Variants in GRIA3 observed in about 807,000 individuals in gnomAD.
GRIA3 encodes the protein glutamate ionotropic receptor AMPA type subunit 3.
In GRIA3, 3 loss-of-function variants were observed where a neutral mutation model predicts 63.0. The ratio of observed to expected loss-of-function variants is 0.05; its 90% CI spans 0.02 to 0.12. The LOEUF (loss-of-function observed/expected upper bound fraction) is 0.12, where lower values mean the gene tolerates loss of function less well. Among genes scored for constraint, GRIA3 ranks in the 10% least tolerant of loss-of-function variants. The pLI is 1.00. For synonymous variants in GRIA3, 274 were observed against 257.9 expected, an observed-to-expected ratio of 1.06 and a Z score of -0.60; for missense variants, 347 against 700.9, an observed-to-expected ratio of 0.50 and a Z score of 5.70.
chrX:123,417,317 C>A, intron 10 of GRIA3, 85 bp from the exon 11 acceptor site: 1 of 797,531 alleles, frequency 1.3e-6, no homozygotes, highest in South Asian at 2.2e-5. Context: ...ATATTTTCAC[C>A]AAAGAAGTAT....
At chrX:123,224,831 T>C (rs1264696244) in intron 2 of GRIA3, among the ~76,000 whole-genome samples, 1 of 111,876 alleles carries the variant, frequency 8.9e-6, no homozygotes, top group African/African-American at 3.2e-5. Context: ...CCGGGCTAGC[T>C]CATGGCTCAA....
chrX:123,184,513 G>C lies in GRIA3; in HGVS notation c.-23G>C. The stretch of plus-strand genomic sequence containing the variant: ...ACTCCTGAGTTGCGCCCATGCTCTT[G>C]TCAGCTTCGTTTTAGGCGTAGCATG... On this transcript the variant is annotated 5_prime_UTR_variant, in exon 1 of 16. Transcript: ENST00000620443. The C allele has an allele frequency of 8.8e-7, 1 of 1,133,123 alleles. No homozygotes were observed. The highest frequency in any genetic ancestry group is 1.2e-6 in the Non-Finnish European group (1 of 824,041). 93.4% of individuals were successfully genotyped at this position (1,133,123 alleles called of 1,213,427 possible). A position where few individuals can be genotyped will look rare whatever the true frequency, so the allele number is the denominator to read the frequency against.
intron 12 of GRIA3, among the ~76,000 whole-genome samples, chrX:123,450,263 G>T (rs899677857): frequency 6.2e-5 from 7 of 112,200 alleles, no homozygotes; most frequent in African/African-American, 2.3e-4. Context: ...TTACCTCGGA[G>T]CATCTTGCAC....
chrX:123,476,372 G>A (rs1412130077), intron 13 of GRIA3, among the ~76,000 whole-genome samples: 1 of 111,674 alleles, frequency 9.0e-6, no homozygotes, highest in African/African-American at 3.3e-5. Flanking sequence ...GTGTGTGTGT[G>A]TGTTGGGGAG....
At chrX:123,274,952 T>G (rs1041741144) in intron 3 of GRIA3, among the ~76,000 whole-genome samples, 1 of 111,286 alleles carries the variant, frequency 9.0e-6, no homozygotes, top group African/African-American at 3.3e-5. Flanking sequence ...AGCACTAGGC[T>G]CCTGCTAGTC....
intron 2 of GRIA3, chrX:123,202,497 C>A: frequency 1.8e-6 from 1 of 564,612 alleles, no homozygotes. Flanking sequence ...GGCTGCCTTC[C>A]CCAGCTGCCA....
chrX:123,205,935 C>A (rs886305788), intron 2 of GRIA3, among the ~76,000 whole-genome samples: 2 of 111,592 alleles, frequency 1.8e-5, no homozygotes, highest in Admixed American at 1.9e-4. Context: ...GTTTGCACCC[C>A]AGACAGACCA....
chrX:123,373,555 G>A (rs1307334683), intron 5 of GRIA3, among the ~76,000 whole-genome samples: 2 of 111,927 alleles, frequency 1.8e-5, no homozygotes, highest in Non-Finnish European at 3.8e-5. Context: ...TCTGACTGGT[G>A]TGAGATGGTA....
chrX:123,372,532 T>C (rs1478239057), intron 5 of GRIA3, among the ~76,000 whole-genome samples: 1 of 112,321 alleles, frequency 8.9e-6, no homozygotes, highest in African/African-American at 3.2e-5. Context: ...ATTTTTTGTG[T>C]GTCCTTGTGA....
At chrX:123,464,196 T>C (rs1331400120) in intron 12 of GRIA3, among the ~76,000 whole-genome samples, 1 of 111,085 alleles carries the variant, frequency 9.0e-6, no homozygotes, top group East Asian at 2.8e-4. Context: ...GGGGTGTGGA[T>C]TAAAATACTA....
At chrX:123,265,076 G>GT (rs1236851199) in intron 3 of GRIA3, among the ~76,000 whole-genome samples, 1 of 111,649 alleles carries the variant, frequency 9.0e-6, no homozygotes, top group Non-Finnish European at 1.9e-5. Context: ...AGTTACAGGA[G>GT]TTATGGAAGT....
chrX:123,355,018 T>G, intron 5 of GRIA3, 55 bp downstream of exon 5: 1 of 897,598 alleles, frequency 1.1e-6, no homozygotes, highest in Non-Finnish European at 1.6e-6. Flanking sequence ...TGAATTTTTC[T>G]GTAATCATCC....
intron 3 of GRIA3, among the ~76,000 whole-genome samples, chrX:123,265,027 A>G (rs1225431253): frequency 2.7e-5 from 3 of 111,250 alleles, no homozygotes; most frequent in East Asian, 3.1e-4. Flanking sequence ...ATCATTCTGC[A>G]ACTAACAATT....
At position 123,326,198 on chromosome X, in the gene GRIA3, C is replaced by T. The variant is rs745961215; in HGVS notation, c.681C>T (p.Asn227=). ...TTGACTGCGAAGTCGAAAGGATTAA[C>T]ACAATTTTGGAACAGGTACGTTTGA... ...YLIDCEVERI[N]TILEQVVILG... is the part of the protein sequence containing the mutation. The change falls in exon 4 of 16, where the codon AAC becomes AAT. Residue 227 remains asparagine (N), a synonymous_variant. Transcript: ENST00000620443. 5.8e-6 allele frequency: 7 copies of T among 1,207,602 alleles called. No homozygotes were observed. In the South Asian group the frequency reaches 1.1e-4, roughly 18 times the overall value.
intron 2 of GRIA3, among the ~76,000 whole-genome samples, chrX:123,188,428 C>T (rs1927335996): frequency 9.0e-6 from 1 of 111,425 alleles, no homozygotes; most frequent in African/African-American, 3.3e-5. Context: ...TTTAATTGTT[C>T]TTTTTCTTGT....
At chrX:123,249,404 T>A (rs771365014) in intron 2 of GRIA3, among the ~76,000 whole-genome samples, 1 of 112,027 alleles carries the variant, frequency 8.9e-6, no homozygotes, top group South Asian at 3.8e-4. Context: ...GTCAACTCAG[T>A]GTTCCATTCA....
At chrX:123,189,795 G>A (rs180887534) in intron 2 of GRIA3, among the ~76,000 whole-genome samples, 5 of 111,936 alleles carry the variant, frequency 4.5e-5, no homozygotes, top group South Asian at 7.6e-4. Context: ...GGCTTTAATG[G>A]AGCCCCAGGT....
At chrX:123,488,074 T>A (rs1253406337) in intron 15 of GRIA3, among the ~76,000 whole-genome samples, 1 of 112,005 alleles carries the variant, frequency 8.9e-6, no homozygotes, top group Non-Finnish European at 1.9e-5. Flanking sequence ...CTGCACTAGT[T>A]AGTGCCTCCA....
intron 3 of GRIA3, among the ~76,000 whole-genome samples, chrX:123,287,022 A>C (rs1382014184): frequency 2.7e-5 from 3 of 112,027 alleles, no homozygotes; most frequent in Non-Finnish European, 5.6e-5. Flanking sequence ...TCAATAAAAT[A>C]CTGGCAAACC....
Sources: gnomAD v4.1 joint callset for allele counts (sites outside exome capture counted in the v4.1 genomes callset) on GRCh38, gnomAD v4.1.1 for gene constraint, MANE v1.5 for transcripts, NCBI Gene and HGNC (gene_info 2026-07-23, HGNC 2026-07-21) for gene names.